The following MTUS2 variants were observed in gnomAD, a reference collection of about 807,000 sequenced individuals.
The protein encoded by MTUS2 is microtubule associated scaffold protein 2.
Under a neutral mutation model 114.1 loss-of-function variants are expected in MTUS2, and 40 were observed. The observed-to-expected ratio is 0.35, with a 90% CI of 0.27 to 0.46. MTUS2 has a LOEUF of 0.46. Among genes scored for constraint, MTUS2 ranks in the 20% least tolerant of loss-of-function variants. MTUS2 has a pLI of 1.00. For missense variants in MTUS2, 1,679 were observed against 1,705.4 expected, an observed-to-expected ratio of 0.98 and a Z score of 0.27; for synonymous variants, 688 against 672.0, an observed-to-expected ratio of 1.02 and a Z score of -0.37.
chr13:29,474,402 T>C (rs1219866316), intron 9 of MTUS2, among the ~76,000 whole-genome samples: 1 of 152,186 alleles, frequency 6.6e-6, no homozygotes, highest in East Asian at 1.9e-4. Context: ...ATTATGACAA[T>C]AATTTTAAAA....
At chr13:28,836,980 C>T (rs11618240) in intron 1 of MTUS2, among the ~76,000 whole-genome samples, 37,896 of 152,090 alleles carry the variant, frequency 0.25, 5,379 homozygotes, top group East Asian at 0.39. Context: ...CCCTTAGTCT[C>T]CTATTCTGCA....
rs1216478994 is a variant in MTUS2 at position 29,129,094 on chromosome 13, G to A, written c.2644+28124G>A. 3.3e-5 allele frequency among the ~76,000 whole-genome samples: 5 copies of A among 151,976 alleles called. No individual in the cohort carries two copies. The East Asian group carries it at 5.8e-4, about 18-fold the overall frequency. On this transcript the variant is annotated intron_variant, in intron 5 of 15. Transcript: ENST00000612955. ...GGCAAGTGCATTTCTGTGGAATTGC[G>A]GACACTCTGTGCACTTTCTCTGGTT...
At chr13:29,462,713 A>G (rs780509366) in intron 9 of MTUS2, among the ~76,000 whole-genome samples, 2 of 152,180 alleles carry the variant, frequency 1.3e-5, no homozygotes, top group Non-Finnish European at 2.9e-5. Context: ...AGAGGACATC[A>G]TAGGAAGGAA....
intron 5 of MTUS2, among the ~76,000 whole-genome samples, chr13:29,169,455 T>C (rs1893461607): frequency 6.6e-6 from 1 of 152,170 alleles, no homozygotes; most frequent in African/African-American, 2.4e-5. Flanking sequence ...AGGTGGTGCT[T>C]GCGGCAGTGA....
intron 5 of MTUS2, among the ~76,000 whole-genome samples, chr13:29,186,798 T>C (rs1593575614): frequency 6.6e-6 from 1 of 152,168 alleles, no homozygotes; most frequent in African/African-American, 2.4e-5. Context: ...AACATTCCAC[T>C]AAACAGAAAC....
intron 2 of MTUS2, among the ~76,000 whole-genome samples, chr13:28,896,396 A>G (rs886722115): frequency 6.6e-6 from 1 of 152,320 alleles, no homozygotes; most frequent in Non-Finnish European, 1.5e-5. Context: ...TCAATGAAAT[A>G]AAAGAGGATA....
At chr13:29,369,400 A>T (rs933040492) in intron 8 of MTUS2, among the ~76,000 whole-genome samples, 1 of 152,182 alleles carries the variant, frequency 6.6e-6, no homozygotes, top group Non-Finnish European at 1.5e-5. Context: ...GTTTTACAGA[A>T]AGCAAATGCC....
chr13:29,187,960 G>A (rs1894292054), intron 5 of MTUS2, among the ~76,000 whole-genome samples: 3 of 152,138 alleles, frequency 2.0e-5, no homozygotes, highest in South Asian at 4.1e-4. Context: ...AGTTCTTGAC[G>A]GCAGATATCA....
At chr13:28,970,582 C>T (rs901022538) in intron 2 of MTUS2, among the ~76,000 whole-genome samples, 1 of 152,216 alleles carries the variant, frequency 6.6e-6, no homozygotes, top group Non-Finnish European at 1.5e-5. Flanking sequence ...TGCTCTGGAA[C>T]CATAAATTAG....
intron 9 of MTUS2, among the ~76,000 whole-genome samples, chr13:29,462,586 T>A (rs777403612): frequency 2.0e-5 from 3 of 152,100 alleles, no homozygotes; most frequent in Non-Finnish European, 4.4e-5. Context: ...ATGGCCTGAT[T>A]GCAGTAATTT....
At chr13:29,466,544 T>G (rs17073460) in intron 9 of MTUS2, among the ~76,000 whole-genome samples, 2,872 of 152,220 alleles carry the variant, frequency 0.019, 76 homozygotes, top group African/African-American at 0.064. Context: ...TCCATTCCTG[T>G]GCAAAATTAA....
At chr13:29,323,658 AAT>A (rs778979627) in intron 6 of MTUS2, among the ~76,000 whole-genome samples, 10 of 152,236 alleles carry the variant, frequency 6.6e-5, no homozygotes, top group Non-Finnish European at 1.0e-4. Context: ...ATATTTATCT[AAT>A]AGCTGTATTT....
chr13:28,900,296 CTGTGTGTGTG>C (rs759551772), intron 2 of MTUS2, among the ~76,000 whole-genome samples: 1 of 151,324 alleles, frequency 6.6e-6, no homozygotes, highest in African/African-American at 2.4e-5. Context: ...TTACCTGTAG[CTGTGTGTGTG>C]TGTGTATGTG....
chr13:29,168,016 A>G (rs1893391047), intron 5 of MTUS2, among the ~76,000 whole-genome samples: 1 of 152,226 alleles, frequency 6.6e-6, no homozygotes, highest in East Asian at 1.9e-4. Flanking sequence ...TTGAACTGAC[A>G]TCATTTTAAA....
intron 2 of MTUS2, among the ~76,000 whole-genome samples, chr13:29,017,817 C>T (rs1162474361): frequency 1.3e-5 from 2 of 152,144 alleles, no homozygotes; most frequent in East Asian, 3.9e-4. Flanking sequence ...CCAGAAATTA[C>T]ATAGCAAACA....
chr13:29,087,478 T>C (rs1889743896), intron 4 of MTUS2, among the ~76,000 whole-genome samples: 1 of 152,230 alleles, frequency 6.6e-6, no homozygotes, highest in Non-Finnish European at 1.5e-5. Flanking sequence ...ATTAGCTTTT[T>C]GATGTGCTGC....
intron 8 of MTUS2, among the ~76,000 whole-genome samples, chr13:29,408,633 A>G (rs149681548): frequency 2.3e-3 from 347 of 152,330 alleles, no homozygotes; most frequent in African/African-American, 8.0e-3. Flanking sequence ...TTAAGTTTTT[A>G]ATATAACTGG....
chr13:29,204,209 C>T (rs1390211696), intron 5 of MTUS2, among the ~76,000 whole-genome samples: 3 of 152,176 alleles, frequency 2.0e-5, no homozygotes, highest in Non-Finnish European at 4.4e-5. Context: ...CTGCCTGCCT[C>T]GGTCTCCCAA....
chr13:28,963,713 C>T (rs1883443548), intron 2 of MTUS2, among the ~76,000 whole-genome samples: 2 of 152,196 alleles, frequency 1.3e-5, no homozygotes, highest in Admixed American at 1.3e-4. Flanking sequence ...TTCTTACCTT[C>T]TCCTCATTCC....
Sources: allele counts gnomAD v4.1 joint callset (sites outside exome capture counted in the v4.1 genomes callset), GRCh38; gene constraint gnomAD v4.1.1; transcripts MANE v1.5; gene names NCBI Gene and HGNC (gene_info 2026-07-23, HGNC 2026-07-21).